The following OIT3 variants were observed in gnomAD, a reference collection of about 807,000 sequenced individuals.
OIT3 encodes the protein oncoprotein induced transcript 3.
In OIT3, 41 loss-of-function variants were observed where a neutral mutation model predicts 52.2. The ratio of observed to expected loss-of-function variants is 0.79; its 90% CI spans 0.61 to 1.02. The LOEUF is 1.02. Ranked by LOEUF, OIT3 falls within the 50% of genes least tolerant of loss-of-function variation. The pLI is 0.00. For synonymous variants in OIT3, 244 were observed against 276.9 expected, an observed-to-expected ratio of 0.88 and a Z score of 1.18; for missense variants, 634 against 715.5, an observed-to-expected ratio of 0.89 and a Z score of 1.30.
intron 8 of OIT3, 93 bp from the exon 9 acceptor site, chr10:72,932,261 T>TA: frequency 8.1e-6 from 9 of 1,104,768 alleles, no homozygotes; most frequent in Non-Finnish European, 1.1e-5. Context: ...TTACATGACT[T>TA]AATGTTTAGG....
intron 3 of OIT3, among the ~76,000 whole-genome samples, chr10:72,905,767 G>C (rs1451947042): frequency 1.3e-5 from 2 of 152,048 alleles, no homozygotes; most frequent in African/African-American, 2.4e-5. Context: ...TGCTTCCCTG[G>C]GCCACTGGGC....
intron 6 of OIT3, among the ~76,000 whole-genome samples, chr10:72,922,509 A>G (rs1013044510): frequency 9.9e-5 from 15 of 151,608 alleles, no homozygotes; most frequent in African/African-American, 3.4e-4. Context: ...AAATTCTTGT[A>G]TTGTGTTTTT....
At chr10:72,921,858 G>A (rs1267330138) in intron 6 of OIT3, among the ~76,000 whole-genome samples, 1 of 151,842 alleles carries the variant, frequency 6.6e-6, no homozygotes, top group East Asian at 1.9e-4. Flanking sequence ...TTTTAGTAGA[G>A]ACGGGGTTTC....
At position 72,932,483 on chromosome 10, in the gene OIT3, A is replaced by AC. The variant is rs1564598283; in HGVS notation, c.1598dup (p.Leu534AlafsTer51). ...GGACTCAGCCGGTCTACAGGGCCAG[A>AC]CGCTAACAGGCGGCCCGATCCGCAT... On this transcript the variant is annotated frameshift_variant, in exon 9 of 9. Transcript: ENST00000334011. LOFTEE classifies it high-confidence loss of function. 1 of 1,613,400 alleles carries AC rather than the reference A, an allele frequency of 6.2e-7. No homozygotes were observed. The highest frequency in any genetic ancestry group is 1.7e-4 in the Middle Eastern group (1 of 6,048).
intron 5 of OIT3, among the ~76,000 whole-genome samples, chr10:72,912,830 A>G (rs925769876): frequency 1.2e-4 from 19 of 152,280 alleles, no homozygotes; most frequent in Non-Finnish European, 2.6e-4. Flanking sequence ...TTCCTGAGCA[A>G]TGCAAGGACA....
chr10:72,898,956 G>C lies in OIT3; in HGVS notation c.354G>C (p.Thr118=). Residue 118 remains threonine, a synonymous_variant, in exon 2 of 9, where the codon ACG becomes ACC. Transcript: ENST00000334011. ...GGAACTGCTGTCTCTGGAACACCACGGTGGAAGTCAAGGCTTGCCCTGGAG... is the reference window on the plus strand; with the variant it reads ...GGAACTGCTGTCTCTGGAACACCACCGTGGAAGTCAAGGCTTGCCCTGGAG... ...FNGNCCLWNT[T]VEVKACPGGY... The C allele has an allele frequency of 6.2e-7, 1 of 1,614,096 alleles. No homozygotes were observed. Among genetic ancestry groups the C allele is most frequent in the South Asian group, 1.1e-5 (1 of 91,074 alleles).
rs551163468 is a variant in OIT3, at chr10:72,896,463, G to C, written c.62-2201G>C. On this transcript the variant is annotated intron_variant, in intron 1 of 8. Coordinates refer to ENST00000334011, the MANE Select transcript of OIT3 (RefSeq NM_152635.3). ...TCTAGGGTTCAGCCGAGATACATAAGGGGCATTTTAAAGAAAGAGGGTTGT... is the reference window on the plus strand; with the variant it reads ...TCTAGGGTTCAGCCGAGATACATAACGGGCATTTTAAAGAAAGAGGGTTGT... 2.0e-5 allele frequency among the ~76,000 whole-genome samples: 3 copies of C among 152,326 alleles called. No individual in the cohort carries two copies. The South Asian group carries it at 6.2e-4, about 32-fold the overall frequency.
intron 6 of OIT3, 152 bp downstream of exon 6, chr10:72,913,620 C>A: frequency 1.4e-6 from 1 of 730,114 alleles, no homozygotes; most frequent in Non-Finnish European, 2.4e-6. Flanking sequence ...TTCTTTTAAC[C>A]AACGTGTTAT....
chr10:72,913,245 T>C, intron 5 of OIT3, 63 bp from the exon 6 acceptor site: 1 of 1,356,662 alleles, frequency 7.4e-7, no homozygotes, highest in East Asian at 2.3e-5. Context: ...AAATTATTTC[T>C]CCTAAAAGCC....
rs1846087349 is a variant in OIT3 at position 72,917,932 on chromosome 10, G to A, written c.951+4464G>A. Reference sequence around the variant, plus strand: ...TGTACATTTTTGGCTGGAGTATCTTGTATAGATTTCTTCACTGGTGCTTTT... The same window carrying A: ...TGTACATTTTTGGCTGGAGTATCTTATATAGATTTCTTCACTGGTGCTTTT... On this transcript the variant is annotated intron_variant, in intron 6 of 8. Coordinates refer to ENST00000334011, the MANE Select transcript of OIT3 (RefSeq NM_152635.3). The A allele has an allele frequency of 3.9e-6, 4 of 1,027,870 alleles. No individual in the cohort carries two copies. In the East Asian group the frequency reaches 9.5e-5, roughly 24 times the overall value. The allele number at this position is 1,027,870 out of a possible 1,614,324, so 63.7% of individuals were successfully genotyped here.
Position 72,917,403 on chromosome 10 carries a change from T to A in OIT3, c.951+3935T>A, listed in dbSNP as rs544837668. ...ATGCCCAACCACCGCTACTACGATG[T>A]CCTATCATAACATTCCATACATACT... On this transcript the variant is annotated intron_variant, in intron 6 of 8. Transcript: ENST00000334011. 7.2e-5 allele frequency among the ~76,000 whole-genome samples: 11 copies of A among 152,242 alleles called. No individual in the cohort carries two copies. The East Asian group carries it at 2.1e-3, about 29-fold the overall frequency.
chr10:72,899,219 G>A (rs1001431308), intron 2 of OIT3, among the ~76,000 whole-genome samples, 181 bp downstream of exon 2: 1 of 152,204 alleles, frequency 6.6e-6, no homozygotes. Flanking sequence ...AAAAATTCCT[G>A]AAGAAATAGA....
intron 3 of OIT3, among the ~76,000 whole-genome samples, chr10:72,900,933 T>C (rs1845929684): frequency 1.3e-5 from 2 of 152,036 alleles, no homozygotes; most frequent in African/African-American, 4.8e-5. Context: ...GTGGGTATGA[T>C]GGCAGGTACC....
chr10:72,913,209 CA>C, intron 5 of OIT3, 98 bp from the exon 6 acceptor site: 1 of 983,484 alleles, frequency 1.0e-6, no homozygotes. Flanking sequence ...GGGGATGGAA[CA>C]AAAAGCTTGG....
intron 2 of OIT3, 83 bp from the exon 3 acceptor site, chr10:72,900,294 A>ACC: frequency 4.7e-6 from 2 of 421,162 alleles, no homozygotes; most frequent in Admixed American, 3.3e-5. Context: ...ACCCCCCCCG[A>ACC]CCCCCCGCAC....
intron 1 of OIT3, among the ~76,000 whole-genome samples, chr10:72,896,036 A>G (rs1318750236): frequency 1.3e-5 from 2 of 152,248 alleles, no homozygotes; most frequent in East Asian, 1.9e-4. Flanking sequence ...TTTTAAAAAT[A>G]TATATGTATT....
Position 72,924,463 on chromosome 10 carries a change from G to A in OIT3, c.1186G>A (p.Asp396Asn). The A allele has an allele frequency of 6.2e-7, 1 of 1,614,060 alleles. No individual in the cohort carries two copies. The highest frequency in any genetic ancestry group is 8.5e-7 in the Non-Finnish European group (1 of 1,179,940). The change falls in exon 7 of 9, where the codon GAC becomes AAC. Residue 396 changes from aspartate (D) to asparagine (N), a missense_variant. Transcript: ENST00000334011. ...IFPFTLEIFKDNEFEEPYREA... is the reference protein window; with the variant it reads ...IFPFTLEIFKNNEFEEPYREA... ...CCCATTCACTCTGGAGATCTTCAAGGACAATGAGTTTGAAGAGCCTTACCG... is the reference window on the plus strand; with the variant it reads ...CCCATTCACTCTGGAGATCTTCAAGAACAATGAGTTTGAAGAGCCTTACCG...
At chr10:72,930,678 C>A (rs61865775) in intron 8 of OIT3, 41 bp downstream of exon 8, 2 of 1,124,042 alleles carry the variant, frequency 1.8e-6, no homozygotes, top group South Asian at 1.4e-5. Context: ...TGAACCTGAG[C>A]CTTTTTTTTT....
In OIT3 at chr10:72,898,762, C is replaced by T. The variant is rs1424203057; in HGVS notation, c.160C>T (p.His54Tyr). The T allele has an allele frequency of 1.2e-6, 2 of 1,614,160 alleles. No homozygotes were observed. The highest frequency in any genetic ancestry group is 8.5e-7 in the Non-Finnish European group (1 of 1,180,012). The change falls in exon 2 of 9, where the codon CAT becomes TAT. Residue 54 changes from histidine to tyrosine, a missense_variant. His to Tyr is a moderately conservative substitution (Grantham distance 83, BLOSUM62 2). Transcript: ENST00000334011. ...ESQGPPLCDN[H>Y]VNGEWYHFTG... ...TCAAGGTCCTCCTCTATGTGACAAC[C>T]ATGTGAATGGGGAGTGGTACCACTT...
Sources: allele counts gnomAD v4.1 joint callset (sites outside exome capture counted in the v4.1 genomes callset), GRCh38; gene constraint gnomAD v4.1.1; transcripts MANE v1.5; gene names NCBI Gene and HGNC (gene_info 2026-07-23, HGNC 2026-07-21).